SLC25A13: variants seen among roughly 807,000 people sequenced by gnomAD.
SLC25A13 encodes the protein solute carrier family 25 member 13, also known as electrogenic aspartate/glutamate antiporter SLC25A13, mitochondrial.
Under a neutral mutation model 85.5 loss-of-function variants are expected in SLC25A13, and 70 were observed. That is an observed-to-expected ratio of 0.82 (90% CI 0.68 to 1.00). SLC25A13 has a LOEUF of 1.00. SLC25A13 is among the 50% of genes least tolerant of loss of function. The probability of loss-of-function intolerance (pLI) is 0.00; values close to 1 mark genes in which losing one functional copy is unlikely to be tolerated. For missense variants in SLC25A13, 765 were observed against 819.8 expected (o/e 0.93, Z 0.82); for synonymous variants, 259 against 288.7 (o/e 0.90, Z 1.04).
intron 4 of SLC25A13, among the ~76,000 whole-genome samples, chr7:96,228,713 C>G (rs11770026): frequency 6.6e-6 from 1 of 151,888 alleles, no homozygotes; most frequent in Non-Finnish European, 1.5e-5. Context: ...GGAGATAGAC[C>G]GTGTGGGCAG....
At position 96,277,220 on chromosome 7, in the gene SLC25A13, CCACTT is replaced by C. The variant is rs1189019859; in HGVS notation, c.183_187del (p.Val64GlyfsTer17). The C allele has an allele frequency of 6.2e-7, 1 of 1,602,886 alleles. No homozygotes were observed. The highest frequency in any genetic ancestry group is 1.1e-5 in the South Asian group (1 of 89,570). ...CCCATCTTTGGTCTGATCCACCACT[CCACTT>C]AAAAGTTCCACAGTCTTTGGATTAG... is the stretch of plus-strand genomic sequence containing the variant. On this transcript the variant is annotated frameshift_variant, in exon 3 of 18. Transcript: ENST00000265631. LOFTEE classifies it high-confidence loss of function.
At chr7:96,311,044 T>C (rs1228086879) in intron 1 of SLC25A13, among the ~76,000 whole-genome samples, 3 of 152,226 alleles carry the variant, frequency 2.0e-5, no homozygotes, top group African/African-American at 7.2e-5. Flanking sequence ...TTATTTTTTA[T>C]AACAATGATA....
intron 1 of SLC25A13, among the ~76,000 whole-genome samples, chr7:96,310,424 C>A (rs1799907786): frequency 6.6e-6 from 1 of 152,192 alleles, no homozygotes; most frequent in Non-Finnish European, 1.5e-5. Flanking sequence ...TTTTTAGGTT[C>A]ATGTTGTATA....
intron 3 of SLC25A13, among the ~76,000 whole-genome samples, chr7:96,250,945 T>C (rs1405337304): frequency 6.6e-6 from 1 of 152,158 alleles, no homozygotes; most frequent in Non-Finnish European, 1.5e-5. Flanking sequence ...AGTGCTACTA[T>C]GTGCCAGCCA....
At chr7:96,292,649 A>G (rs1799172690) in intron 2 of SLC25A13, among the ~76,000 whole-genome samples, 1 of 152,210 alleles carries the variant, frequency 6.6e-6, no homozygotes, top group African/African-American at 2.4e-5. Context: ...ACAAACAGAG[A>G]GCCAAATCAT....
At chr7:96,259,363 C>G (rs1584525000) in intron 3 of SLC25A13, among the ~76,000 whole-genome samples, 1 of 151,940 alleles carries the variant, frequency 6.6e-6, no homozygotes, top group Non-Finnish European at 1.5e-5. Context: ...AATATATTTA[C>G]AAGATAAAAA....
In SLC25A13 at chr7:96,222,359, T is replaced by C. The variant is rs1324719568; in HGVS notation, c.328+12443A>G. Among the ~76,000 whole-genome samples the C allele has an allele frequency of 3.3e-5, 5 of 152,328 alleles. No individual in the cohort carries two copies. In the East Asian group the frequency reaches 9.7e-4, roughly 29 times the overall value. ...GTGGCACAGGGTGTAGACTAGTTTC[T>C]TCCATTTTGGTCTTCATGAGAATCA... On this transcript the variant is annotated intron_variant, in intron 4 of 17. Coordinates refer to ENST00000265631, the MANE Select transcript of SLC25A13 (RefSeq NM_014251.3).
chr7:96,133,039 T>C (rs1792101936), intron 14 of SLC25A13, among the ~76,000 whole-genome samples: 2 of 152,208 alleles, frequency 1.3e-5, no homozygotes, highest in Non-Finnish European at 2.9e-5. Flanking sequence ...TACTATAACT[T>C]AATTAGTTGC....
intron 13 of SLC25A13, among the ~76,000 whole-genome samples, chr7:96,157,733 G>A (rs1336287144): frequency 1.3e-5 from 2 of 152,072 alleles, no homozygotes; most frequent in African/African-American, 2.4e-5. Flanking sequence ...CCCAGGAGGC[G>A]GAGGTTACAG....
chr7:96,205,843 C>T (rs1795438837), intron 5 of SLC25A13, among the ~76,000 whole-genome samples: 1 of 152,076 alleles, frequency 6.6e-6, no homozygotes, highest in African/African-American at 2.4e-5. Context: ...TGTCCAGACT[C>T]TACACAGATA....
chr7:96,174,654 G>A (rs1185970685), intron 11 of SLC25A13, among the ~76,000 whole-genome samples: 3 of 152,188 alleles, frequency 2.0e-5, no homozygotes, highest in South Asian at 4.1e-4. Context: ...TGAAAGCACT[G>A]TGATTTAAAT....
chr7:96,120,640 A>G lies in SLC25A13; in HGVS notation c.*551T>C, dbSNP rs1355402942. The G allele has an allele frequency of 8.8e-6, 4 of 454,422 alleles. No homozygotes were observed. In the Admixed American group the frequency reaches 9.4e-5, roughly 11 times the overall value. The allele number at this position is 454,422 out of a possible 1,614,324, so 28.1% of individuals were successfully genotyped here. A position where few individuals can be genotyped will look rare whatever the true frequency, so the allele number is the denominator to read the frequency against. ...ACATCTCCAATGTGGTTTTCATTAC[A>G]AAGAAACATGTTTCACATAAAAGCT... On this transcript the variant is annotated 3_prime_UTR_variant, in exon 18 of 18. Transcript: ENST00000265631.
intron 4 of SLC25A13, among the ~76,000 whole-genome samples, chr7:96,214,488 AG>A (rs1316144681): frequency 6.6e-6 from 1 of 152,206 alleles, no homozygotes; most frequent in Non-Finnish European, 1.5e-5. Context: ...AGCATTTGGG[AG>A]GCCCAGGCAG....
intron 9 of SLC25A13, 82 bp downstream of exon 9, chr7:96,189,212 G>A (rs536979432): frequency 3.7e-5 from 46 of 1,227,132 alleles, no homozygotes; most frequent in African/African-American, 1.6e-4. Context: ...TACCAATGCC[G>A]CAAAGGCAAC....
intron 4 of SLC25A13, among the ~76,000 whole-genome samples, chr7:96,215,880 C>T (rs755900519): frequency 2.6e-5 from 4 of 152,028 alleles, no homozygotes; most frequent in Non-Finnish European, 5.9e-5. Context: ...AATGGCCAGG[C>T]ACGGTGGCTC....
intron 1 of SLC25A13, among the ~76,000 whole-genome samples, chr7:96,308,417 C>CAGCA (rs1799839123): frequency 6.6e-6 from 1 of 152,178 alleles, no homozygotes; most frequent in African/African-American, 2.4e-5. Context: ...AAGGCTGAAC[C>CAGCA]AGCAGATTCA....
Position 96,180,141 on chromosome 7 carries a change from A to T in SLC25A13, c.1177+4136T>A, listed in dbSNP as rs145275089. Reference sequence around the variant, plus strand: ...GAAATAGAAATATTTACAACTCTGCAAGCTTGGATCAATGGGCTGATTAAA... The same window carrying T: ...GAAATAGAAATATTTACAACTCTGCTAGCTTGGATCAATGGGCTGATTAAA... On this transcript the variant is annotated intron_variant, in intron 11 of 17. Transcript: ENST00000265631. Among the ~76,000 whole-genome samples, 13 of 152,296 alleles carry T rather than the reference A, an allele frequency of 8.5e-5. No homozygotes were observed. The East Asian group carries it at 2.5e-3, about 29-fold the overall frequency.
chr7:96,320,286 C>T (rs1053425849), intron 1 of SLC25A13, among the ~76,000 whole-genome samples: 1 of 152,186 alleles, frequency 6.6e-6, no homozygotes, highest in Non-Finnish European at 1.5e-5. Context: ...GGATTACAGG[C>T]ATGAGCCACA....
intron 2 of SLC25A13, among the ~76,000 whole-genome samples, chr7:96,289,138 G>A (rs1441030820): frequency 6.6e-6 from 1 of 152,240 alleles, no homozygotes. Context: ...CTGATACCCA[G>A]GCAAACAGGG....
Sources: allele counts gnomAD v4.1 joint callset (sites outside exome capture counted in the v4.1 genomes callset), GRCh38; gene constraint gnomAD v4.1.1; transcripts MANE v1.5; gene names NCBI Gene and HGNC (gene_info 2026-07-23, HGNC 2026-07-21).